The following DNAJC2 variants were observed in gnomAD, a reference collection of about 807,000 sequenced individuals.
DNAJC2 encodes DnaJ heat shock protein family (Hsp40) member C2, also known as dnaJ homolog subfamily C member 2.
In DNAJC2, 32 loss-of-function variants were observed where a neutral mutation model predicts 94.0. That is an observed-to-expected ratio of 0.34 (90% confidence interval 0.26 to 0.46). DNAJC2 has a LOEUF of 0.46. DNAJC2 is among the 20% of genes least tolerant of loss of function. The pLI is 1.00. For synonymous variants in DNAJC2, 210 were observed against 229.7 expected (o/e 0.91, Z 0.77); for missense variants, 550 against 719.5 (o/e 0.76, Z 2.69).
chr7:103,312,446 TCTCTGAGAA>T lies in DNAJC2; in HGVS notation c.*114_*122del. On this transcript the variant is annotated 3_prime_UTR_variant, in exon 17 of 17. Coordinates refer to ENST00000379263, the MANE Select transcript of DNAJC2 (RefSeq NM_014377.3). ...TTTTGTATTAATGGTCAGTCTTTGTTCTCTGAGAAATTATGTTGGAAGCAGCATACTTTC... is the reference window on the plus strand; with the variant it reads ...TTTTGTATTAATGGTCAGTCTTTGTTATTATGTTGGAAGCAGCATACTTTC... 1 of 1,522,780 alleles carries T rather than the reference TCTCTGAGAA, an allele frequency of 6.6e-7. No homozygotes were observed. The highest frequency in any genetic ancestry group is 2.4e-5 in the East Asian group (1 of 42,490). The allele number at this position is 1,522,780 out of a possible 1,614,324, so 94.3% of individuals were successfully genotyped here. A position where few individuals can be genotyped will look rare whatever the true frequency, so the allele number is the denominator to read the frequency against.
At chr7:103,317,690 G>A (rs555088858) in intron 12 of DNAJC2, among the ~76,000 whole-genome samples, 4 of 152,116 alleles carry the variant, frequency 2.6e-5, no homozygotes, top group South Asian at 2.1e-4. Flanking sequence ...TCACTCTGTC[G>A]CCCAGGCTGG....
intron 1 of DNAJC2, among the ~76,000 whole-genome samples, chr7:103,343,297 A>T (rs1367722013): frequency 1.3e-5 from 2 of 152,208 alleles, no homozygotes; most frequent in African/African-American, 4.8e-5. Context: ...CACCGCACCC[A>T]GACAACTCAA....
chr7:103,319,790 C>G lies in DNAJC2; in HGVS notation c.1138G>C (p.Val380Leu), dbSNP rs1485989220. Residue 380 changes from valine (V) to leucine (L), a missense_variant, in exon 11 of 17, where the codon GTG becomes CTG. Val to Leu is a conservative substitution (Grantham distance 32). Transcript: ENST00000379263. ...EAERVKMMEE[V>L]EKLCDRLELA... is the part of the protein sequence containing the mutation. ...TCAAGCCGATCACAAAGTTTTTCCACTTCTTCCATCATTTTAACCCGCTCT... is the reference window on the plus strand; with the variant it reads ...TCAAGCCGATCACAAAGTTTTTCCAGTTCTTCCATCATTTTAACCCGCTCT... The G allele has an allele frequency of 6.2e-7, 1 of 1,614,078 alleles. No homozygotes were observed. The highest frequency in any genetic ancestry group is 1.3e-5 in the African/African-American group (1 of 74,942).
At chr7:103,319,900 A>G (rs1452658294) in intron 10 of DNAJC2, 56 bp from the exon 11 acceptor site, 2 of 1,578,122 alleles carry the variant, frequency 1.3e-6, no homozygotes, top group African/African-American at 1.4e-5. Context: ...CCATCAACAT[A>G]ATTACAAAGC....
At chr7:103,323,126 C>T (rs981640061) in intron 7 of DNAJC2, among the ~76,000 whole-genome samples, 12 of 152,054 alleles carry the variant, frequency 7.9e-5, no homozygotes, top group African/African-American at 2.4e-4. Context: ...GACAGGGTTT[C>T]GCCATGTTGG....
intron 5 of DNAJC2, among the ~76,000 whole-genome samples, chr7:103,325,776 T>C (rs548641878): frequency 3.2e-4 from 49 of 152,296 alleles, no homozygotes; most frequent in African/African-American, 1.1e-3. Flanking sequence ...TTTAATGAAA[T>C]AAAATACGTA....
At chr7:103,318,160 A>AT (rs3214210) in intron 12 of DNAJC2, among the ~76,000 whole-genome samples, 32 of 146,498 alleles carry the variant, frequency 2.2e-4, no homozygotes, top group African/African-American at 5.0e-4. Context: ...TCCCCATAAC[A>AT]TTTTTTTTTT....
chr7:103,336,886 T>C (rs1819194790), intron 3 of DNAJC2: 3 of 152,232 alleles, frequency 2.0e-5, no homozygotes, highest in Admixed American at 6.5e-5. Context: ...TTTGAGTTCA[T>C]CTACTATGCT....
chr7:103,325,468 A>C, intron 5 of DNAJC2, among the ~76,000 whole-genome samples: 1 of 152,084 alleles, frequency 6.6e-6, no homozygotes, highest in East Asian at 1.9e-4. Context: ...AAAACCAAAA[A>C]ACAGGTGAAA....
intron 12 of DNAJC2, chr7:103,317,447 T>C (rs945425669): frequency 6.4e-6 from 1 of 157,112 alleles, no homozygotes; most frequent in Non-Finnish European, 1.4e-5. Flanking sequence ...CCATTTACAT[T>C]GTTCCTTCTA....
intron 15 of DNAJC2, chr7:103,313,371 A>G (rs1484579088): frequency 8.9e-7 from 1 of 1,124,750 alleles, no homozygotes; most frequent in Non-Finnish European, 1.1e-6. Context: ...TTAAAAATCA[A>G]TGTAATACAC....
intron 3 of DNAJC2, among the ~76,000 whole-genome samples, chr7:103,334,328 G>A (rs972154718): frequency 6.6e-6 from 1 of 151,698 alleles, no homozygotes; most frequent in African/African-American, 2.4e-5. Flanking sequence ...TTGGGAGACT[G>A]AGGCAGGTGG....
intron 10 of DNAJC2, chr7:103,320,762 CAT>C (rs71519145): frequency 0.55 from 74,215 of 135,516 alleles, 19,698 homozygotes; most frequent in Middle Eastern, 0.58. Context: ...TATATATACA[CAT>C]ATATATATAT....
Position 103,312,660 on chromosome 7 carries a change from G to T in DNAJC2, c.1792-17C>A. 1 of 1,608,666 alleles carries T rather than the reference G, an allele frequency of 6.2e-7. No homozygotes were observed. The highest frequency in any genetic ancestry group is 8.5e-7 in the Non-Finnish European group (1 of 1,178,682). On this transcript the variant is annotated splice_polypyrimidine_tract_variant and intron_variant, in intron 16 of 16. Transcript: ENST00000379263. Reference sequence around the variant, plus strand: ...GACAAGTTCCTAGGAAGGGAGAAAGGTGTGATTTAAGAAGTTGCGATTTAA... The same window carrying T: ...GACAAGTTCCTAGGAAGGGAGAAAGTTGTGATTTAAGAAGTTGCGATTTAA...
In DNAJC2 at chr7:103,313,051, C is replaced by T. The variant is rs1456086220; in HGVS notation, c.1687G>A (p.Glu563Lys). The change falls in exon 16 of 17, where the codon GAA (glutamate) becomes AAA (lysine). Residue 563 changes from glutamate (E) to lysine (K), a missense_variant. Physicochemically the swap from Glu to Lys is moderately conservative, Grantham distance 56. Transcript: ENST00000379263. ...PWTTEEQKLL[E>K]QALKTYPVNT... is the part of the protein sequence containing the mutation. The stretch of plus-strand genomic sequence containing the variant: ...ACTGGGTATGTTTTCAAAGCTTGTT[C>T]CAAAAGCTTCTGTTCTTCTGTTGTC... 6.2e-7 allele frequency: 1 copy of T among 1,613,980 alleles called. No homozygotes were observed. Among genetic ancestry groups the T allele is most frequent in the Non-Finnish European group, 8.5e-7 (1 of 1,179,940 alleles).
chr7:103,344,645 T>G lies in DNAJC2; in HGVS notation c.-23A>C. ...CATGATGGCGCCGGGTCTAGCCCGG[T>G]GGGCGCAGCGGCTCACGTCCCGGGC... On this transcript the variant is annotated 5_prime_UTR_variant, in exon 1 of 17. Transcript: ENST00000379263. The G allele has an allele frequency of 6.2e-7, 1 of 1,605,032 alleles. No homozygotes were observed. The highest frequency in any genetic ancestry group is 2.2e-5 in the East Asian group (1 of 44,844).
Position 103,326,532 on chromosome 7 carries a change from CCTTAA to C in DNAJC2, c.572+6_572+10del. The C allele has an allele frequency of 6.2e-7, 1 of 1,613,688 alleles. No homozygotes were observed. The highest frequency in any genetic ancestry group is 2.2e-5 in the East Asian group (1 of 44,828). On this transcript the variant is annotated splice_donor_region_variant and intron_variant, in intron 5 of 16. Coordinates refer to ENST00000379263, the MANE Select transcript of DNAJC2 (RefSeq NM_014377.3). ...CAGGGCACTATGATCAAAAGGGATGCCTTAACTTACCTGGAATTCCTTTCAAACAC... is the reference window on the plus strand; with the variant it reads ...CAGGGCACTATGATCAAAAGGGATGCCTTACCTGGAATTCCTTTCAAACAC...
In DNAJC2 at chr7:103,321,925, GAT is replaced by G; in HGVS notation, c.1083+5_1083+6del. The G allele has an allele frequency of 6.2e-7, 1 of 1,612,500 alleles. No homozygotes were observed. Among genetic ancestry groups the G allele is most frequent in the Non-Finnish European group, 8.5e-7 (1 of 1,179,090 alleles). On this transcript the variant is annotated splice_donor_5th_base_variant and intron_variant, in intron 10 of 16. Coordinates refer to ENST00000379263, the MANE Select transcript of DNAJC2 (RefSeq NM_014377.3). ...CTTGTGCCTAGTGTTTGTTCAGTCT[GAT>G]ATACCTTGCATGAGTTTCGAAGTTT...
At chr7:103,313,980 A>G (rs1817903096) in intron 15 of DNAJC2, 1 of 985,442 alleles carries the variant, frequency 1.0e-6, no homozygotes. Context: ...AGATCTGTTA[A>G]AAGTTAAGCC....
Sources: gnomAD v4.1 joint callset for allele counts (sites outside exome capture counted in the v4.1 genomes callset) on GRCh38, gnomAD v4.1.1 for gene constraint, MANE v1.5 for transcripts, NCBI Gene and HGNC (gene_info 2026-07-23, HGNC 2026-07-21) for gene names.